PLEKHM3: variants seen among roughly 807,000 people sequenced by gnomAD.
PLEKHM3 encodes the protein pleckstrin homology domain containing M3.
PLEKHM3 carries 45 observed loss-of-function variants against 81.8 expected under a neutral mutation model. The observed-to-expected ratio is 0.55, with a 90% CI of 0.43 to 0.71. PLEKHM3 has a LOEUF of 0.71. PLEKHM3 is among the 30% of genes least tolerant of loss of function. PLEKHM3 has a pLI of 0.00. For synonymous variants in PLEKHM3, 352 were observed against 356.4 expected (o/e 0.99, Z 0.14); for missense variants, 788 against 924.3 (o/e 0.85, Z 1.91).
chr2:207,973,252 AT>A (rs1691186824), intron 3 of PLEKHM3, among the ~76,000 whole-genome samples: 1 of 152,254 alleles, frequency 6.6e-6, no homozygotes. Flanking sequence ...GCTGGTTTAG[AT>A]TAACTGTGTT....
intron 1 of PLEKHM3, among the ~76,000 whole-genome samples, chr2:208,012,904 C>T (rs1246774192): frequency 6.6e-6 from 1 of 152,188 alleles, no homozygotes; most frequent in East Asian, 1.9e-4. Context: ...CCTCAACAAG[C>T]ATTTATAGAG....
chr2:207,908,828 C>A (rs2718651), intron 5 of PLEKHM3, among the ~76,000 whole-genome samples: 42,730 of 152,106 alleles, frequency 0.28, 6,421 homozygotes, highest in Middle Eastern at 0.38. Flanking sequence ...ATAAGCACTG[C>A]GTGGTGGCCC....
intron 2 of PLEKHM3, among the ~76,000 whole-genome samples, chr2:207,989,814 G>C (rs914470881): frequency 6.6e-6 from 1 of 152,224 alleles, no homozygotes; most frequent in African/African-American, 2.4e-5. Context: ...CAACTTAGTT[G>C]CGTAGCAGCA....
chr2:207,972,415 C>T (rs1309236594), intron 3 of PLEKHM3, among the ~76,000 whole-genome samples: 1 of 151,846 alleles, frequency 6.6e-6, no homozygotes, highest in African/African-American at 2.4e-5. Flanking sequence ...GGCAAAACCC[C>T]GTCTCTACTA....
chr2:207,844,250 G>A (rs2092370290), intron 7 of PLEKHM3, among the ~76,000 whole-genome samples: 1 of 148,654 alleles, frequency 6.7e-6, no homozygotes, highest in South Asian at 2.1e-4. Flanking sequence ...CATTATTTGT[G>A]TACTCTATTA....
At chr2:208,000,992 A>G (rs1214897567) in intron 2 of PLEKHM3, 38 bp downstream of exon 2, 10 of 1,445,532 alleles carry the variant, frequency 6.9e-6, no homozygotes, top group South Asian at 3.0e-5. Flanking sequence ...CAAAAAGAAA[A>G]AAAAAAAAAA....
At chr2:207,850,404 A>G (rs2092406229) in intron 7 of PLEKHM3, among the ~76,000 whole-genome samples, 1 of 152,248 alleles carries the variant, frequency 6.6e-6, no homozygotes, top group Non-Finnish European at 1.5e-5. Context: ...TGTTCTTCAT[A>G]GTGAAAAACC....
chr2:208,002,013 C>T (rs539330766), intron 1 of PLEKHM3, 56 bp from the exon 2 acceptor site: 4 of 212,256 alleles, frequency 1.9e-5, no homozygotes, highest in South Asian at 8.9e-5. Context: ...TTCTACAGTA[C>T]ACAAGTCTGC....
chr2:207,837,655 A>T (rs2092327023), intron 7 of PLEKHM3, among the ~76,000 whole-genome samples: 1 of 26,178 alleles, frequency 3.8e-5, no homozygotes, highest in South Asian at 9.3e-4. Flanking sequence ...TTTTTTTGAG[A>T]TGGAGTCAGG....
chr2:207,973,153 T>C (rs1691183986), intron 3 of PLEKHM3, among the ~76,000 whole-genome samples: 1 of 152,236 alleles, frequency 6.6e-6, no homozygotes, highest in African/African-American at 2.4e-5. Context: ...TTTTGGAAGA[T>C]CAACATGCTA....
At chr2:207,870,822 A>G (rs1307433470) in intron 6 of PLEKHM3, among the ~76,000 whole-genome samples, 1 of 152,230 alleles carries the variant, frequency 6.6e-6, no homozygotes, top group Non-Finnish European at 1.5e-5. Flanking sequence ...GAAAATGAAA[A>G]GTAAGCTGGA....
At chr2:207,840,453 C>A (rs2092343882) in intron 7 of PLEKHM3, among the ~76,000 whole-genome samples, 1 of 152,170 alleles carries the variant, frequency 6.6e-6, no homozygotes, top group South Asian at 2.1e-4. Flanking sequence ...GCCTTGGCCT[C>A]CCCATGTGTT....
At chr2:207,838,538 C>CACTT (rs931614239) in intron 7 of PLEKHM3, among the ~76,000 whole-genome samples, 4 of 152,220 alleles carry the variant, frequency 2.6e-5, no homozygotes, top group African/African-American at 9.6e-5. Context: ...TTTGTGCAAA[C>CACTT]ACTTAATCAG....
intron 2 of PLEKHM3, among the ~76,000 whole-genome samples, chr2:207,992,002 TCTGA>T (rs956166937): frequency 4.6e-5 from 7 of 152,244 alleles, no homozygotes. Context: ...CTGAAAGCAT[TCTGA>T]CTGACTGAAC....
intron 2 of PLEKHM3, among the ~76,000 whole-genome samples, chr2:207,995,366 T>A (rs1417885196): frequency 6.6e-6 from 1 of 152,212 alleles, no homozygotes; most frequent in Non-Finnish European, 1.5e-5. Flanking sequence ...TAATTTTAGT[T>A]CAGTGAACAT....
At chr2:208,008,076 T>C (rs1324222405) in intron 1 of PLEKHM3, among the ~76,000 whole-genome samples, 1 of 149,954 alleles carries the variant, frequency 6.7e-6, no homozygotes, top group Admixed American at 6.6e-5. Context: ...TAAATAAAAC[T>C]AAAAATAAAA....
In PLEKHM3 at chr2:207,827,919, C is replaced by T. The variant is rs889990050; in HGVS notation, c.*400G>A. ...CTAAAAATAAATAACACAAAAATAACCTAAAGCACTGTTTTGTGCAGGAAA... is the reference window on the plus strand; with the variant it reads ...CTAAAAATAAATAACACAAAAATAATCTAAAGCACTGTTTTGTGCAGGAAA... On this transcript the variant is annotated 3_prime_UTR_variant, in exon 8 of 8. Transcript: ENST00000427836. 6 of 152,702 alleles carry T rather than the reference C, an allele frequency of 3.9e-5. No homozygotes were observed. Among genetic ancestry groups the T allele is most frequent in the African/African-American group, 1.4e-4 (6 of 41,460 alleles). The allele number at this position is 152,702 out of a possible 1,614,324, so 9.5% of individuals were successfully genotyped here. A position where few individuals can be genotyped will look rare whatever the true frequency, so the allele number is the denominator to read the frequency against.
At chr2:207,835,548 G>A (rs2092314555) in intron 7 of PLEKHM3, among the ~76,000 whole-genome samples, 1 of 152,200 alleles carries the variant, frequency 6.6e-6, no homozygotes, top group Non-Finnish European at 1.5e-5. Context: ...AGGTCTGTGA[G>A]TTAATGAGTA....
chr2:207,951,334 T>G (rs1690321211), intron 3 of PLEKHM3, among the ~76,000 whole-genome samples: 1 of 152,232 alleles, frequency 6.6e-6, no homozygotes, highest in African/African-American at 2.4e-5. Flanking sequence ...TAGGGCTTAT[T>G]TACATATTAT....
Sources: allele counts gnomAD v4.1 joint callset (sites outside exome capture counted in the v4.1 genomes callset), GRCh38; gene constraint gnomAD v4.1.1; transcripts MANE v1.5; gene names NCBI Gene and HGNC (gene_info 2026-07-23, HGNC 2026-07-21).